The following CCDC144A variants were observed in gnomAD, a reference collection of about 807,000 sequenced individuals.
CCDC144A encodes coiled-coil domain containing 144A.
In CCDC144A, 41 loss-of-function variants were observed where a neutral mutation model predicts 143.8. The observed-to-expected ratio is 0.29, with a 90% CI of 0.22 to 0.37. CCDC144A has a LOEUF of 0.37. Ranked by LOEUF, CCDC144A falls within the 10% of genes least tolerant of loss-of-function variation. The pLI is 1.00. For synonymous variants in CCDC144A, 242 were observed against 517.9 expected (o/e 0.47, Z 7.23); for missense variants, 637 against 1,488.8 (o/e 0.43, Z 9.41).
intron 6 of CCDC144A, among the ~76,000 whole-genome samples, chr17:16,717,205 C>G (rs965727831): frequency 7.3e-5 from 11 of 151,108 alleles, no homozygotes; most frequent in African/African-American, 2.4e-4. Context: ...ACCTCCAGCT[C>G]CTGGGTTCAA....
upstream of CCDC144A, among the ~76,000 whole-genome samples, chr17:16,689,305 C>A (rs145610884): frequency 2.6e-5 from 4 of 152,222 alleles, no homozygotes; most frequent in East Asian, 7.7e-4. Context: ...AAGAGATTCT[C>A]CTGTCTCAGC....
chr17:16,729,402 C>T lies in CCDC144A; in HGVS notation c.2105+1662C>T, dbSNP rs560542428. On this transcript the variant is annotated intron_variant, in intron 9 of 16. Coordinates refer to ENST00000399273, the MANE Select transcript of CCDC144A (RefSeq NM_001382000.1). ...TTGGGCATCTTCTTTTGAAAAATGTCTGTTCATGTCATTTGTGTACTTTTT... is the reference window on the plus strand; with the variant it reads ...TTGGGCATCTTCTTTTGAAAAATGTTTGTTCATGTCATTTGTGTACTTTTT... Among the ~76,000 whole-genome samples the T allele has an allele frequency of 5.6e-3, 853 of 152,120 alleles. 27 individuals carry two copies. The highest frequency in any genetic ancestry group is 0.045 in the Admixed American group (692 of 15,242).
At chr17:16,682,930 C>T in the CCDC144A span, among the ~76,000 whole-genome samples, 5 of 91,598 alleles carry the variant, frequency 5.5e-5, no homozygotes, top group African/African-American at 8.5e-5. Flanking sequence ...GAGACAGAGT[C>T]TTGCTCTGTA....
intron 1 of CCDC144A, among the ~76,000 whole-genome samples, chr17:16,691,515 A>AATTTG (rs1911070434): frequency 6.6e-6 from 1 of 151,870 alleles, no homozygotes; most frequent in East Asian, 1.9e-4. Flanking sequence ...TAATCCCAGC[A>AATTTG]ATTTGGGAGG....
the CCDC144A span, among the ~76,000 whole-genome samples, chr17:16,673,295 T>C: frequency 0.054 from 8,282 of 152,030 alleles, 494 homozygotes; most frequent in African/African-American, 0.14. Flanking sequence ...TCTCGGTACT[T>C]GTTTGTATCC....
chr17:16,748,724 T>G (rs181679981), intron 12 of CCDC144A, among the ~76,000 whole-genome samples: 7 of 152,320 alleles, frequency 4.6e-5, no homozygotes, highest in Admixed American at 6.5e-5. Flanking sequence ...TCTGAATCTG[T>G]TTTTGGCTAG....
At chr17:16,755,609 G>T (rs1407436428) in intron 12 of CCDC144A, among the ~76,000 whole-genome samples, 2 of 152,132 alleles carry the variant, frequency 1.3e-5, no homozygotes, top group Non-Finnish European at 2.9e-5. Context: ...GCCCTGGCTG[G>T]AGTTCAGTGG....
chr17:16,690,923 G>A (rs1443413388), intron 1 of CCDC144A, among the ~76,000 whole-genome samples, 179 bp downstream of exon 1: 7 of 151,836 alleles, frequency 4.6e-5, no homozygotes, highest in African/African-American at 1.5e-4. Context: ...CTACTTTACA[G>A]GAGTTTTCTT....
At chr17:16,760,163 CA>C (rs1915296656) in intron 12 of CCDC144A, among the ~76,000 whole-genome samples, 1 of 151,882 alleles carries the variant, frequency 6.6e-6, no homozygotes, top group Non-Finnish European at 1.5e-5. Flanking sequence ...TTTTTGTAAC[CA>C]ACTTTAGAAG....
intron 14 of CCDC144A, among the ~76,000 whole-genome samples, chr17:16,763,405 T>G (rs1597593727): frequency 1.3e-5 from 2 of 150,040 alleles, no homozygotes; most frequent in Middle Eastern, 3.4e-3. Context: ...TTTGAAAATG[T>G]CTTTGAGAGA....
chr17:16,736,385 T>C (rs1466159194), intron 12 of CCDC144A, among the ~76,000 whole-genome samples: 2 of 152,290 alleles, frequency 1.3e-5, no homozygotes, highest in East Asian at 3.9e-4. Flanking sequence ...GTGCTGGGAT[T>C]AGAGGCATGA....
Position 16,718,084 on chromosome 17 carries a change from T to C in CCDC144A, c.1716-2114T>C, listed in dbSNP as rs549386772. 5.7e-3 allele frequency among the ~76,000 whole-genome samples: 870 copies of C among 152,062 alleles called. 10 individuals carry two copies. Among genetic ancestry groups the C allele is most frequent in the African/African-American group, 0.02 (825 of 41,492 alleles). On this transcript the variant is annotated intron_variant, in intron 6 of 16. Transcript: ENST00000399273. The stretch of plus-strand genomic sequence containing the variant: ...TCCCAGTGGTTACTTTTTCTGGAAA[T>C]AGAAAATAGTGTAGTCTGCCAAAGC...
the CCDC144A span, among the ~76,000 whole-genome samples, chr17:16,682,937 T>C: frequency 5.5e-5 from 7 of 127,558 alleles, no homozygotes; most frequent in Non-Finnish European, 1.1e-4. Context: ...AGTCTTGCTC[T>C]GTAACGCAGG....
chr17:16,700,300 A>G (rs144872381), intron 2 of CCDC144A, among the ~76,000 whole-genome samples: 4,197 of 152,208 alleles, frequency 0.028, 181 homozygotes, highest in African/African-American at 0.095. Context: ...AATGTTGTCT[A>G]CCTTACCAGA....
At chr17:16,736,818 C>T (rs1262596868) in intron 12 of CCDC144A, among the ~76,000 whole-genome samples, 1 of 151,328 alleles carries the variant, frequency 6.6e-6, no homozygotes, top group African/African-American at 2.4e-5. Flanking sequence ...AGGATCTGAG[C>T]AGGCAATTGA....
rs546271380 is a variant in CCDC144A, at chr17:16,763,080, A to G, written c.3887+547A>G. 9.9e-5 allele frequency among the ~76,000 whole-genome samples: 15 copies of G among 151,376 alleles called. No homozygotes were observed. In the South Asian group the frequency reaches 1.9e-3, roughly 19 times the overall value. On this transcript the variant is annotated intron_variant, in intron 14 of 16. Coordinates refer to ENST00000399273, the MANE Select transcript of CCDC144A (RefSeq NM_001382000.1). ...AGAAGTGTCCTGTATAGTTTTTCCA[A>G]TCCACATAAAGGCACACTTGTGAAG...
chr17:16,743,267 T>C (rs1388564701), intron 12 of CCDC144A, among the ~76,000 whole-genome samples: 2 of 151,712 alleles, frequency 1.3e-5, no homozygotes, highest in Admixed American at 1.3e-4. Flanking sequence ...TTTTTGTATA[T>C]GGTGAAAGAT....
Position 16,776,858 on chromosome 17 carries a change from A to G in CCDC144A, c.*3225A>G, listed in dbSNP as rs1916017566. 6.6e-6 allele frequency: 1 copy of G among 152,082 alleles called. No individual in the cohort carries two copies. The highest frequency in any genetic ancestry group is 2.4e-5 in the African/African-American group (1 of 41,390). The allele number at this position is 152,082 out of a possible 1,614,324, so 9.4% of individuals were successfully genotyped here. ...ACAATAGAATAGTACCTCACATCTC[A>G]ATGCTAATGTTGAACGTAAATGGCC... is the stretch of plus-strand genomic sequence containing the variant. On this transcript the variant is annotated 3_prime_UTR_variant, in exon 17 of 17. Transcript: ENST00000399273.
intron 12 of CCDC144A, among the ~76,000 whole-genome samples, chr17:16,761,159 A>G (rs1386771574): frequency 6.6e-6 from 1 of 151,794 alleles, no homozygotes; most frequent in Non-Finnish European, 1.5e-5. Context: ...AACCCCATCT[A>G]CTAAAAATAA....
Sources: allele counts gnomAD v4.1 joint callset (sites outside exome capture counted in the v4.1 genomes callset), GRCh38; gene constraint gnomAD v4.1.1; transcripts MANE v1.5; gene names NCBI Gene and HGNC (gene_info 2026-07-23, HGNC 2026-07-21).